Variants in WWC2 observed in about 807,000 individuals in gnomAD.
The protein encoded by WWC2 is WW and C2 domain containing 2, also known as protein WWC2.
In WWC2, 101 loss-of-function variants were observed where a neutral mutation model predicts 138.5. The ratio of observed to expected loss-of-function variants is 0.73; its 90% CI spans 0.62 to 0.86. WWC2 has a LOEUF of 0.86. WWC2 is among the 40% of genes least tolerant of loss of function. WWC2 has a pLI of 0.00. For missense variants in WWC2, 1,420 were observed against 1,419.4 expected, an observed-to-expected ratio of 1.00 and a Z score of -0.01; for synonymous variants, 558 against 538.4, an observed-to-expected ratio of 1.04 and a Z score of -0.50.
At chr4:183,192,729 G>A (rs1330653794) in intron 1 of WWC2, among the ~76,000 whole-genome samples, 1 of 152,096 alleles carries the variant, frequency 6.6e-6, no homozygotes, top group East Asian at 1.9e-4. Context: ...TGGTGCTAGT[G>A]CATTAAATTA....
intron 21 of WWC2, among the ~76,000 whole-genome samples, chr4:183,303,986 T>C (rs941825667): frequency 6.6e-6 from 1 of 152,110 alleles, no homozygotes; most frequent in Non-Finnish European, 1.5e-5. Context: ...TGTAGAGGGT[T>C]TGTTAGATAA....
intron 1 of WWC2, among the ~76,000 whole-genome samples, chr4:183,186,862 C>T (rs1038734725): frequency 4.6e-5 from 7 of 152,118 alleles, no homozygotes; most frequent in Non-Finnish European, 8.8e-5. Flanking sequence ...GAGGACCAGA[C>T]CTAGGACCAA....
intron 16 of WWC2, among the ~76,000 whole-genome samples, chr4:183,276,910 ATTGATTCTG>A (rs1251374352): frequency 1.5e-4 from 23 of 152,018 alleles, no homozygotes; most frequent in African/African-American, 5.1e-4. Context: ...TCTAGCTTCC[ATTGATTCTG>A]TTGAGCTTTT....
chr4:183,229,850 G>A (rs1736189319), intron 4 of WWC2, among the ~76,000 whole-genome samples: 1 of 152,070 alleles, frequency 6.6e-6, no homozygotes, highest in Admixed American at 6.5e-5. Context: ...TTTTGAGACA[G>A]AGTCTCGCTC....
intron 1 of WWC2, among the ~76,000 whole-genome samples, chr4:183,179,223 G>C (rs371626751): frequency 6.6e-6 from 1 of 152,320 alleles, no homozygotes; most frequent in South Asian, 2.1e-4. Flanking sequence ...CCCGGTGGTC[G>C]TGGATACTTC....
chr4:183,279,194 G>T (rs1737979100), intron 16 of WWC2, among the ~76,000 whole-genome samples: 1 of 152,050 alleles, frequency 6.6e-6, no homozygotes, highest in Non-Finnish European at 1.5e-5. Flanking sequence ...AAGGGTTGTT[G>T]AATTTTGTCA....
Position 183,248,735 on chromosome 4 carries a change from C to T in WWC2, c.754C>T (p.Arg252Trp), listed in dbSNP as rs765212126. 165 of 1,600,314 alleles carry T rather than the reference C, an allele frequency of 1.0e-4. No homozygotes were observed. The highest frequency in any genetic ancestry group is 1.6e-4 in the Middle Eastern group (1 of 6,066). ...LMQSLAKLQE[R>W]FHLDQNIGRS... ...ACAGAGTCTTGCTAAGCTGCAGGAGCGGTTTCATTTGGATCAGAACATTGG... is the reference window on the plus strand; with the variant it reads ...ACAGAGTCTTGCTAAGCTGCAGGAGTGGTTTCATTTGGATCAGAACATTGG... Residue 252 changes from arginine (R) to tryptophan (W), a missense_variant, in exon 7 of 23, where the codon CGG (arginine) becomes TGG (tryptophan). Physicochemically the swap from Arg to Trp is moderately radical, Grantham distance 101. Transcript: ENST00000403733.
intron 16 of WWC2, among the ~76,000 whole-genome samples, chr4:183,277,033 G>A (rs1033202447): frequency 4.1e-5 from 6 of 146,988 alleles, no homozygotes; most frequent in Admixed American, 1.4e-4. Flanking sequence ...ACATTGTGCA[G>A]GTTAGTTACA....
chr4:183,151,256 T>C lies in WWC2; in HGVS notation c.132-42343T>C, dbSNP rs1561437576. On this transcript the variant is annotated intron_variant, in intron 1 of 22. Coordinates refer to ENST00000403733, the MANE Select transcript of WWC2 (RefSeq NM_024949.6). Reference sequence around the variant, plus strand: ...CTAACTGGTGTGAGATGGTATCTCATTGTGGTTTTGATTTGCATTTCTCTG... The same window carrying C: ...CTAACTGGTGTGAGATGGTATCTCACTGTGGTTTTGATTTGCATTTCTCTG... 2.6e-5 allele frequency among the ~76,000 whole-genome samples: 4 copies of C among 152,198 alleles called. No individual in the cohort carries two copies. The South Asian group carries it at 6.2e-4, about 24-fold the overall frequency.
intron 4 of WWC2, among the ~76,000 whole-genome samples, chr4:183,215,134 G>A (rs1735719909): frequency 6.6e-6 from 1 of 152,148 alleles, no homozygotes; most frequent in Non-Finnish European, 1.5e-5. Flanking sequence ...AGCCATACCT[G>A]TGATAAAGTT....
chr4:183,292,072 T>A (rs1161152319), intron 21 of WWC2, among the ~76,000 whole-genome samples: 1 of 151,046 alleles, frequency 6.6e-6, no homozygotes, highest in Non-Finnish European at 1.5e-5. Flanking sequence ...GGCATGCACC[T>A]GTGGTCCCAA....
Position 183,265,712 on chromosome 4 carries a change from A to G in WWC2, c.2064A>G (p.Thr688=), listed in dbSNP as rs990980680. Reference sequence around the variant, plus strand: ...GACCTAGTGAAATGGAAGATGTCACATACAGTGAAGAGGATGTAGCCATTG... The same window carrying G: ...GACCTAGTGAAATGGAAGATGTCACGTACAGTGAAGAGGATGTAGCCATTG... The part of the protein sequence containing the change: ...VKQPSEMEDV[T]YSEEDVAIVE... The change falls in exon 13 of 23, where the codon ACA becomes ACG. Residue 688 remains threonine (T), a synonymous_variant. Coordinates refer to ENST00000403733, the MANE Select transcript of WWC2 (RefSeq NM_024949.6). 6.2e-7 allele frequency: 1 copy of G among 1,611,792 alleles called. No homozygotes were observed. Among genetic ancestry groups the G allele is most frequent in the Non-Finnish European group, 8.5e-7 (1 of 1,179,018 alleles).
At chr4:183,157,271 A>G (rs1733832462) in intron 1 of WWC2, among the ~76,000 whole-genome samples, 1 of 152,184 alleles carries the variant, frequency 6.6e-6, no homozygotes, top group African/African-American at 2.4e-5. Flanking sequence ...TCTGATATTT[A>G]AACATTAGAT....
At chr4:183,247,504 CTATA>C (rs1244266035) in intron 6 of WWC2, among the ~76,000 whole-genome samples, 1 of 139,460 alleles carries the variant, frequency 7.2e-6, no homozygotes, top group East Asian at 2.0e-4. Context: ...ACTATTTATA[CTATA>C]TATACACTAT....
intron 9 of WWC2, 21 bp downstream of exon 9, chr4:183,254,020 T>TA (rs757331675): frequency 6.2e-7 from 1 of 1,608,198 alleles, no homozygotes; most frequent in Non-Finnish European, 8.5e-7. Context: ...CTTCTGGAAA[T>TA]AGGGCAGCTT....
intron 17 of WWC2, 86 bp downstream of exon 17, chr4:183,280,983 T>C: frequency 1.4e-6 from 2 of 1,466,990 alleles, no homozygotes; most frequent in Non-Finnish European, 1.8e-6. Context: ...GGCTCATGCT[T>C]TATTCCAGAA....
chr4:183,291,055 G>A (rs563840697), intron 21 of WWC2, among the ~76,000 whole-genome samples: 64 of 152,312 alleles, frequency 4.2e-4, no homozygotes, highest in Non-Finnish European at 8.1e-4. Context: ...CAGTAGGACC[G>A]GTGTTTGCTC....
chr4:183,210,653 C>G (rs1735571108), intron 4 of WWC2, among the ~76,000 whole-genome samples: 1 of 152,132 alleles, frequency 6.6e-6, no homozygotes, highest in African/African-American at 2.4e-5. Flanking sequence ...TTCCCTTGTC[C>G]TGTGAACATC....
chr4:183,304,509 T>G (rs1738962325), intron 21 of WWC2, among the ~76,000 whole-genome samples: 1 of 152,126 alleles, frequency 6.6e-6, no homozygotes, highest in African/African-American at 2.4e-5. Flanking sequence ...ACAAAAGCAT[T>G]CTGTTCTTTT....
Sources: gnomAD v4.1 joint callset for allele counts (sites outside exome capture counted in the v4.1 genomes callset) on GRCh38, gnomAD v4.1.1 for gene constraint, MANE v1.5 for transcripts, NCBI Gene and HGNC (gene_info 2026-07-23, HGNC 2026-07-21) for gene names.